TPRG1: variants seen among roughly 807,000 people sequenced by gnomAD.
TPRG1 encodes tumor protein p63-regulated gene 1 protein.
In TPRG1, 29 loss-of-function variants were observed where a neutral mutation model predicts 29.3. That is an observed-to-expected ratio of 0.99 (90% confidence interval 0.74 to 1.35). The LOEUF (loss-of-function observed/expected upper bound fraction) is 1.35, where lower values mean the gene tolerates loss of function less well. TPRG1 is among the 40% of genes most tolerant of loss of function. TPRG1 has a pLI of 0.00. For missense variants in TPRG1, 327 were observed against 335.0 expected, an observed-to-expected ratio of 0.98 and a Z score of 0.19; for synonymous variants, 130 against 116.8, an observed-to-expected ratio of 1.11 and a Z score of -0.73.
At chr3:189,091,428 C>A (rs1718331466) in intron 4 of TPRG1, among the ~76,000 whole-genome samples, 2 of 152,216 alleles carry the variant, frequency 1.3e-5, no homozygotes, top group South Asian at 2.1e-4. Flanking sequence ...AGGACATTTC[C>A]ATCACATAGT....
chr3:189,174,132 C>T (rs757742590), intron 1 of TPRG1, among the ~76,000 whole-genome samples: 1 of 152,174 alleles, frequency 6.6e-6, no homozygotes, highest in Non-Finnish European at 1.5e-5. Flanking sequence ...TGATATTTTA[C>T]TCAACATTGT....
At chr3:189,203,428 A>G (rs769565044) in intron 1 of TPRG1, among the ~76,000 whole-genome samples, 1 of 152,170 alleles carries the variant, frequency 6.6e-6, no homozygotes, top group Non-Finnish European at 1.5e-5. Flanking sequence ...TTCAATAAAT[A>G]TAACTATTTT....
intron 1 of TPRG1, among the ~76,000 whole-genome samples, chr3:189,108,610 G>A (rs1720104970): frequency 6.7e-6 from 1 of 149,494 alleles, no homozygotes; most frequent in Admixed American, 6.7e-5. Context: ...ATTTTTATGT[G>A]CATTCTTTTT....
chr3:189,131,547 C>A (rs1391953855), intron 2 of TPRG1, among the ~76,000 whole-genome samples: 1 of 152,138 alleles, frequency 6.6e-6, no homozygotes, highest in Non-Finnish European at 1.5e-5. Flanking sequence ...TATTACTGAG[C>A]ACTTTCTGAT....
At chr3:189,178,383 G>T (rs1224144476) in intron 1 of TPRG1, among the ~76,000 whole-genome samples, 2 of 152,120 alleles carry the variant, frequency 1.3e-5, no homozygotes, top group Non-Finnish European at 2.9e-5. Flanking sequence ...ACAAAAATTA[G>T]CTAGGCATGG....
intron 5 of TPRG1, among the ~76,000 whole-genome samples, chr3:189,160,377 G>T (rs1225331819): frequency 6.6e-6 from 1 of 152,154 alleles, no homozygotes; most frequent in Admixed American, 6.5e-5. Context: ...AAAATTTGGT[G>T]CTCAGTAAAT....
chr3:189,044,993 G>A (rs954092068), intron 4 of TPRG1, among the ~76,000 whole-genome samples: 4 of 152,184 alleles, frequency 2.6e-5, no homozygotes, highest in African/African-American at 7.2e-5. Context: ...TCAGCCATCA[G>A]AGTATTCATT....
At chr3:189,023,308 G>A (rs1475063485) in intron 3 of TPRG1, among the ~76,000 whole-genome samples, 2 of 152,212 alleles carry the variant, frequency 1.3e-5, no homozygotes, top group Admixed American at 6.5e-5. Context: ...ACTTGTGATT[G>A]CATGGTGAAG....
intron 4 of TPRG1, among the ~76,000 whole-genome samples, chr3:189,027,948 A>G (rs1395220752): frequency 6.6e-6 from 1 of 152,084 alleles, no homozygotes; most frequent in East Asian, 1.9e-4. Context: ...TCGTTCCCTC[A>G]TTATTCATTA....
At chr3:189,170,751 C>T (rs974408242), upstream of TPRG1, among the ~76,000 whole-genome samples, 1 of 152,186 alleles carries the variant, frequency 6.6e-6, no homozygotes, top group African/African-American at 2.4e-5. Flanking sequence ...TGTGACCTCT[C>T]CTGAGTGGCG....
At chr3:189,066,562 C>G (rs1448729306) in intron 4 of TPRG1, among the ~76,000 whole-genome samples, 1 of 151,402 alleles carries the variant, frequency 6.6e-6, no homozygotes, top group African/African-American at 2.4e-5. Context: ...GAATGAAGTA[C>G]AACATATGAC....
chr3:189,262,742 G>GCCTAGCTGGGT (rs1378872080), intron 4 of TPRG1, among the ~76,000 whole-genome samples: 1 of 152,194 alleles, frequency 6.6e-6, no homozygotes, highest in South Asian at 2.1e-4. Flanking sequence ...TATGGATATG[G>GCCTAGCTGGGT]CCTAGCTGGG....
At chr3:189,238,091 A>G (rs77131167) in intron 3 of TPRG1, among the ~76,000 whole-genome samples, 5,568 of 152,306 alleles carry the variant, frequency 0.037, 304 homozygotes, top group African/African-American at 0.13. Flanking sequence ...TCTGAGGCCA[A>G]TTAATTCAGT....
intron 4 of TPRG1, among the ~76,000 whole-genome samples, chr3:189,024,661 A>G (rs1713560825): frequency 6.6e-6 from 1 of 151,802 alleles, no homozygotes; most frequent in African/African-American, 2.4e-5. Context: ...ATGGTGGCCT[A>G]CCCCTCCCTC....
chr3:189,195,232 C>G (rs1461829061), intron 1 of TPRG1, among the ~76,000 whole-genome samples: 1 of 152,072 alleles, frequency 6.6e-6, no homozygotes, highest in Non-Finnish European at 1.5e-5. Flanking sequence ...TCTTGGTGGT[C>G]AAGGCACTGT....
At chr3:189,294,794 C>A (rs77753267) in intron 4 of TPRG1, among the ~76,000 whole-genome samples, 2,889 of 135,546 alleles carry the variant, frequency 0.021, 59 homozygotes, top group East Asian at 0.09. Context: ...ATTACACAAC[C>A]CTTACAGTTA....
At chr3:189,116,594 T>G (rs1043001130) in intron 1 of TPRG1, among the ~76,000 whole-genome samples, 3 of 151,996 alleles carry the variant, frequency 2.0e-5, no homozygotes, top group African/African-American at 4.8e-5. Flanking sequence ...TACAACAGAA[T>G]AGTATTCAGC....
At position 189,161,087 on chromosome 3, in the gene TPRG1, C is replaced by A. The variant is rs528997042; in HGVS notation, c.-10+10215C>A. Among the ~76,000 whole-genome samples, 25 of 152,298 alleles carry A rather than the reference C, an allele frequency of 1.6e-4. No individual in the cohort carries two copies. The South Asian group carries it at 1.7e-3, about 10-fold the overall frequency. On this transcript the variant is annotated intron_variant, in intron 5 of 6. Coordinates refer to the TPRG1 transcript ENST00000412373. ...TGGCTGCCTCCTGGGATGATCAGGA[C>A]AATCTAGGGTAATGTGTTCAAAGTA...
intron 1 of TPRG1, among the ~76,000 whole-genome samples, chr3:189,184,408 A>G (rs1267707737): frequency 6.6e-6 from 1 of 152,246 alleles, no homozygotes; most frequent in East Asian, 1.9e-4. Flanking sequence ...CAACACTGAT[A>G]GCATAACTCC....
Sources: allele counts gnomAD v4.1 joint callset (sites outside exome capture counted in the v4.1 genomes callset), GRCh38; gene constraint gnomAD v4.1.1; transcripts MANE v1.5; gene names NCBI Gene and HGNC (gene_info 2026-07-23, HGNC 2026-07-21).